Variants in C6orf118 observed in about 807,000 individuals in gnomAD.
C6orf118 encodes chromosome 6 open reading frame 118.
In C6orf118, 50 loss-of-function variants were observed where a neutral mutation model predicts 50.2. The ratio of observed to expected loss-of-function variants is 1.00; its 90% CI spans 0.79 to 1.26. The LOEUF (loss-of-function observed/expected upper bound fraction) is 1.26, where lower values mean the gene tolerates loss of function less well. Among genes scored for constraint, C6orf118 ranks in the 50% most tolerant of loss-of-function variants. C6orf118 has a pLI of 0.00. For missense variants in C6orf118, 641 were observed against 578.7 expected (o/e 1.11, Z -1.10); for synonymous variants, 239 against 230.9 (o/e 1.03, Z -0.32).
chr6:165,309,217 C>G (rs1158682056), intron 1 of C6orf118, among the ~76,000 whole-genome samples: 2 of 152,256 alleles, frequency 1.3e-5, no homozygotes, highest in Non-Finnish European at 2.9e-5. Flanking sequence ...AAATCACCCT[C>G]TGAACAGCCT....
At chr6:165,299,021 C>G (rs150327703) in intron 4 of C6orf118, among the ~76,000 whole-genome samples, 1 of 152,152 alleles carries the variant, frequency 6.6e-6, no homozygotes, top group African/African-American at 2.4e-5. Context: ...ATGTTTAACC[C>G]GACCCTGGAA....
At chr6:165,309,491 A>G in intron 1 of C6orf118, 71 bp downstream of exon 1, 2 of 1,521,874 alleles carry the variant, frequency 1.3e-6, no homozygotes, top group South Asian at 2.2e-5. Context: ...CAGTCTTCAG[A>G]AGCCCATCCC....
chr6:165,297,643 G>T (rs1414444877), intron 5 of C6orf118, among the ~76,000 whole-genome samples: 1 of 152,030 alleles, frequency 6.6e-6, no homozygotes, highest in East Asian at 1.9e-4. Context: ...GAAGAGCTTT[G>T]TAAGTTAAAA....
chr6:165,293,820 A>T (rs761507831), intron 5 of C6orf118, among the ~76,000 whole-genome samples: 4 of 152,222 alleles, frequency 2.6e-5, no homozygotes, highest in Admixed American at 6.5e-5. Context: ...AGCATTTTAC[A>T]CTCAGAGGCA....
chr6:165,292,977 A>C (rs1437645064), intron 6 of C6orf118, among the ~76,000 whole-genome samples: 1 of 152,236 alleles, frequency 6.6e-6, no homozygotes, highest in Non-Finnish European at 1.5e-5. Context: ...TGAGTGTTTA[A>C]CAAACTTGGA....
At chr6:165,289,361 AT>A (rs899576998) in intron 7 of C6orf118, among the ~76,000 whole-genome samples, 4 of 152,200 alleles carry the variant, frequency 2.6e-5, no homozygotes, top group African/African-American at 9.6e-5. Context: ...AATAAAAAAA[AT>A]CATGTATTTC....
chr6:165,301,460 G>T, intron 2 of C6orf118, 109 bp downstream of exon 2: 1 of 1,418,308 alleles, frequency 7.1e-7, no homozygotes. Flanking sequence ...CTATGCCCCG[G>T]AGCTCTGCCC....
chr6:165,282,425 G>T (rs1266093807), intron 7 of C6orf118, among the ~76,000 whole-genome samples: 2 of 151,990 alleles, frequency 1.3e-5, no homozygotes, highest in South Asian at 4.1e-4. Context: ...GCTGCATGGG[G>T]TATCATTAAG....
At chr6:165,286,694 C>G (rs1779915532) in intron 7 of C6orf118, among the ~76,000 whole-genome samples, 1 of 151,958 alleles carries the variant, frequency 6.6e-6, no homozygotes, top group African/African-American at 2.4e-5. Context: ...TCTGAACAGA[C>G]ACAGAAAAGG....
At chr6:165,288,678 G>A (rs1442915296) in intron 7 of C6orf118, among the ~76,000 whole-genome samples, 1 of 152,100 alleles carries the variant, frequency 6.6e-6, no homozygotes, top group Non-Finnish European at 1.5e-5. Flanking sequence ...GCTAACTAAT[G>A]CAGGAACAGA....
At chr6:165,299,379 G>A (rs1205648715) in intron 4 of C6orf118, 64 bp downstream of exon 4, 12 of 1,466,590 alleles carry the variant, frequency 8.2e-6, no homozygotes, top group Non-Finnish European at 2.9e-6. Context: ...GGTTTCCACT[G>A]CTCATGAAAT....
intron 6 of C6orf118, among the ~76,000 whole-genome samples, chr6:165,292,978 C>T (rs185957054): frequency 6.6e-6 from 1 of 152,252 alleles, no homozygotes; most frequent in East Asian, 1.9e-4. Context: ...GAGTGTTTAA[C>T]AAACTTGGAG....
intron 4 of C6orf118, 64 bp downstream of exon 4, chr6:165,299,379 G>T: frequency 6.8e-7 from 1 of 1,466,574 alleles, no homozygotes; most frequent in Non-Finnish European, 9.5e-7. Flanking sequence ...GGTTTCCACT[G>T]CTCATGAAAT....
At chr6:165,295,636 T>G (rs1161277544) in intron 5 of C6orf118, among the ~76,000 whole-genome samples, 1 of 121,436 alleles carries the variant, frequency 8.2e-6, no homozygotes, top group African/African-American at 3.9e-5. Context: ...TACTATTTTA[T>G]TATTGATTTA....
chr6:165,305,132 T>C (rs1316372671), intron 1 of C6orf118, among the ~76,000 whole-genome samples: 2 of 56,842 alleles, frequency 3.5e-5, no homozygotes, highest in African/African-American at 1.1e-4. Context: ...GAGATATAGA[T>C]CAATGGAACA....
Position 165,293,420 on chromosome 6 carries a change from T to C in C6orf118, c.1113A>G (p.Glu371=), listed in dbSNP as rs1280956430. 1.2e-6 allele frequency: 2 copies of C among 1,613,896 alleles called. No individual in the cohort carries two copies. Among genetic ancestry groups the C allele is most frequent in the Non-Finnish European group, 1.7e-6 (2 of 1,179,850 alleles). ...MEVALLQSAK[E]RSESSEKHII... ...CATCACACAGACACCTGCCTGATCG[T>C]TCCTTTGCAGACTGCAGCAATGCCA... Residue 371 remains glutamate (E), a synonymous_variant, in exon 6 of 9, where the codon GAA becomes GAG. Coordinates refer to ENST00000230301, the MANE Select transcript of C6orf118 (RefSeq NM_144980.4).
At chr6:165,281,731 TA>T in intron 7 of C6orf118, 38 bp from the exon 8 acceptor site, 1 of 1,272,700 alleles carries the variant, frequency 7.9e-7, no homozygotes, top group Non-Finnish European at 1.1e-6. Flanking sequence ...TATACTTGGT[TA>T]AAAATATTTG....
At chr6:165,288,140 C>G (rs1779976547) in intron 7 of C6orf118, among the ~76,000 whole-genome samples, 1 of 152,110 alleles carries the variant, frequency 6.6e-6, no homozygotes. Context: ...AGACACTTCT[C>G]AAAAGAAGAC....
intron 7 of C6orf118, among the ~76,000 whole-genome samples, chr6:165,286,223 A>T (rs1779898961): frequency 6.6e-6 from 1 of 152,160 alleles, no homozygotes; most frequent in Non-Finnish European, 1.5e-5. Context: ...CCAAGACTGA[A>T]CCAGGAAGAA....
Sources: allele counts gnomAD v4.1 joint callset (sites outside exome capture counted in the v4.1 genomes callset), GRCh38; gene constraint gnomAD v4.1.1; transcripts MANE v1.5; gene names NCBI Gene and HGNC (gene_info 2026-07-23, HGNC 2026-07-21).